MYL4: variants seen among roughly 807,000 people sequenced by gnomAD.
MYL4 encodes the protein myosin light chain 4.
MYL4 carries 16 observed loss-of-function variants against 21.6 expected under a neutral mutation model. The ratio of observed to expected loss-of-function variants is 0.74; its 90% CI spans 0.50 to 1.12. The LOEUF (loss-of-function observed/expected upper bound fraction) is 1.12. Among genes scored for constraint, MYL4 ranks in the 50% most tolerant of loss-of-function variants. MYL4 has a pLI of 0.00. For missense variants in MYL4, 249 were observed against 252.9 expected (o/e 0.98, Z 0.11); for synonymous variants, 82 against 95.7 (o/e 0.86, Z 0.83).
upstream of MYL4, among the ~76,000 whole-genome samples, chr17:47,198,093 G>A (rs1396798414): frequency 6.6e-6 from 1 of 152,208 alleles, no homozygotes; most frequent in Non-Finnish European, 1.5e-5. Flanking sequence ...ATGTGCATTG[G>A]AGGAGAGAAA....
chr17:47,199,766 G>A (rs1437402345), upstream of MYL4, among the ~76,000 whole-genome samples: 1 of 142,774 alleles, frequency 7.0e-6, no homozygotes, highest in Non-Finnish European at 1.5e-5. Flanking sequence ...TTGAGACAGG[G>A]TCTCTGTCAC....
Position 47,218,229 on chromosome 17 carries a change from G to A in MYL4, c.164-1675G>A, listed in dbSNP as rs755771447. Among the ~76,000 whole-genome samples the A allele has an allele frequency of 2.6e-5, 4 of 152,222 alleles. No individual in the cohort carries two copies. The East Asian group carries it at 5.8e-4, about 22-fold the overall frequency. ...ATGTCTTTTAAATTCATATAAAGCCGAAGAAAGAGTTGGAAGTAAAGGTCT... is the reference window on the plus strand; with the variant it reads ...ATGTCTTTTAAATTCATATAAAGCCAAAGAAAGAGTTGGAAGTAAAGGTCT... On this transcript the variant is annotated intron_variant, in intron 2 of 6. Transcript: ENST00000393450.
At position 47,213,425 on chromosome 17, in the gene MYL4, C is replaced by A. The variant is rs539192798; in HGVS notation, c.136-374C>A. On this transcript the variant is annotated intron_variant, in intron 1 of 6. Transcript: ENST00000393450. ...TTGCATATAATCTACACACAACCTC[C>A]TGTATAATTTAAATCATCTCTAGGT... is the stretch of plus-strand genomic sequence containing the variant. 1.7e-4 allele frequency among the ~76,000 whole-genome samples: 26 copies of A among 152,242 alleles called. No homozygotes were observed. In the East Asian group the frequency reaches 3.3e-3, roughly 19 times the overall value.
chr17:47,200,070 A>C (rs2064704243), upstream of MYL4, among the ~76,000 whole-genome samples: 1 of 150,292 alleles, frequency 6.7e-6, no homozygotes, highest in African/African-American at 2.5e-5. Flanking sequence ...TGAATGAATG[A>C]GAGTAATCTG....
intron 2 of MYL4, 43 bp from the exon 3 acceptor site, chr17:47,219,861 T>A (rs2064841541): frequency 6.2e-7 from 1 of 1,613,694 alleles, no homozygotes; most frequent in South Asian, 1.1e-5. Context: ...AGCCACCACC[T>A]TCACTGGGGA....
At position 47,219,969 on chromosome 17, in the gene MYL4, C is replaced by T; in HGVS notation, c.229C>T (p.Gln77Ter). 6.2e-7 allele frequency: 1 copy of T among 1,614,186 alleles called. No individual in the cohort carries two copies. Among genetic ancestry groups the T allele is most frequent in the Non-Finnish European group, 8.5e-7 (1 of 1,180,036 alleles). The change falls in exon 3 of 7, where the codon CAG (glutamine) becomes TAG (stop). Residue 77 changes from glutamine to a stop codon, truncating the protein, a stop_gained. Coordinates refer to ENST00000393450, the MANE Select transcript of MYL4 (RefSeq NM_002476.2). LOFTEE classifies it high-confidence loss of function. ...TGGAGAGATGAAGATCACCTACGGC[C>T]AGTGCGGGGATGTACTGCGGGCCCT... ...PTGEMKITYG[Q>*]CGDVLRALGQ...
At chr17:47,218,630 C>T (rs955887965) in intron 2 of MYL4, among the ~76,000 whole-genome samples, 6 of 151,996 alleles carry the variant, frequency 3.9e-5, no homozygotes, top group Non-Finnish European at 7.4e-5. Flanking sequence ...TGCTAAAATA[C>T]AAAAATTAGC....
At chr17:47,194,757 A>G in the MYL4 span, among the ~76,000 whole-genome samples, 1 of 151,050 alleles carries the variant, frequency 6.6e-6, no homozygotes, top group East Asian at 1.9e-4. Flanking sequence ...CCTTCCAATT[A>G]CATAGAATTT....
At chr17:47,191,527 A>G in the MYL4 span, among the ~76,000 whole-genome samples, 1 of 152,054 alleles carries the variant, frequency 6.6e-6, no homozygotes, top group Non-Finnish European at 1.5e-5. Flanking sequence ...CTGGAGTGTA[A>G]TGGCGCAATC....
upstream of MYL4, among the ~76,000 whole-genome samples, chr17:47,207,891 T>C (rs2064739507): frequency 6.6e-6 from 1 of 152,162 alleles, no homozygotes; most frequent in Admixed American, 6.5e-5. Context: ...CCCAGAGGTG[T>C]CTCTGTTAAC....
chr17:47,222,325 G>A (rs751625180), intron 4 of MYL4, 55 bp from the exon 5 acceptor site: 2 of 1,553,600 alleles, frequency 1.3e-6, no homozygotes, highest in South Asian at 2.2e-5. Flanking sequence ...GGTATTGCCA[G>A]TTCCTCCTTT....
upstream of MYL4, among the ~76,000 whole-genome samples, chr17:47,197,759 C>A (rs114120345): frequency 6.6e-6 from 1 of 152,102 alleles, no homozygotes; most frequent in Non-Finnish European, 1.5e-5. Context: ...GTTCTAAGCA[C>A]GTTTAAGGTA....
chr17:47,208,756 T>C (rs1859364119), upstream of MYL4, among the ~76,000 whole-genome samples: 2 of 152,112 alleles, frequency 1.3e-5, no homozygotes, highest in African/African-American at 2.4e-5. Context: ...TGTAAGGGGG[T>C]AGATCTAGGG....
At chr17:47,218,553 AGGCAGAT>A (rs1219905663) in intron 2 of MYL4, among the ~76,000 whole-genome samples, 1 of 152,178 alleles carries the variant, frequency 6.6e-6, no homozygotes, top group Admixed American at 6.5e-5. Flanking sequence ...AGGGAGGCCA[AGGCAGAT>A]GGATCACTTG....
chr17:47,203,205 C>CAG (rs769990162), intron 1 of MYL4, among the ~76,000 whole-genome samples: 5 of 152,198 alleles, frequency 3.3e-5, no homozygotes, highest in Admixed American at 6.5e-5. Flanking sequence ...CCTGCCTCAG[C>CAG]CTCCCAAAGT....
upstream of MYL4, among the ~76,000 whole-genome samples, chr17:47,207,351 T>C (rs2064733993): frequency 6.6e-6 from 1 of 152,204 alleles, no homozygotes; most frequent in Non-Finnish European, 1.5e-5. Flanking sequence ...GCTCTGCCTA[T>C]AAGTAGCTGA....
At chr17:47,221,039 C>A (rs150176282) in intron 3 of MYL4, among the ~76,000 whole-genome samples, 1 of 152,032 alleles carries the variant, frequency 6.6e-6, no homozygotes, top group Non-Finnish European at 1.5e-5. Flanking sequence ...AGAAGCAAGT[C>A]CTGTGTGCTT....
chr17:47,205,314 C>A (rs924777581), upstream of MYL4, among the ~76,000 whole-genome samples: 9 of 152,188 alleles, frequency 5.9e-5, no homozygotes, highest in Admixed American at 3.3e-4. Context: ...ATACTTGCCT[C>A]TTCACACTAC....
chr17:47,214,245 G>A (rs1056083708), intron 2 of MYL4, among the ~76,000 whole-genome samples: 5 of 151,646 alleles, frequency 3.3e-5, no homozygotes, highest in African/African-American at 1.2e-4. Context: ...TTTTTTTCTT[G>A]GCCCCAAAGA....
Sources: allele counts gnomAD v4.1 joint callset (sites outside exome capture counted in the v4.1 genomes callset), GRCh38; gene constraint gnomAD v4.1.1; transcripts MANE v1.5; gene names NCBI Gene and HGNC (gene_info 2026-07-23, HGNC 2026-07-21).